Variants in AGPAT4 observed in about 807,000 individuals in gnomAD.
AGPAT4 encodes 1-acylglycerol-3-phosphate O-acyltransferase 4.
AGPAT4 carries 15 observed loss-of-function variants against 48.0 expected under a neutral mutation model. The observed-to-expected ratio is 0.31, with a 90% CI of 0.21 to 0.48. The LOEUF (loss-of-function observed/expected upper bound fraction) is 0.48, where lower values mean the gene tolerates loss of function less well. AGPAT4 is among the 20% of genes least tolerant of loss of function. The pLI is 0.99. For synonymous variants in AGPAT4, 178 were observed against 198.7 expected (o/e 0.90, Z 0.88); for missense variants, 314 against 482.5 (o/e 0.65, Z 3.27).
rs1174018838 is a variant in AGPAT4, at chr6:161,153,451, T to A, written c.559A>T (p.Ile187Phe). The A allele has an allele frequency of 6.2e-7, 1 of 1,613,364 alleles. No individual in the cohort carries two copies. The highest frequency in any genetic ancestry group is 1.1e-5 in the South Asian group (1 of 90,692). Residue 187 changes from isoleucine to phenylalanine, a missense_variant, in exon 5 of 9, where the codon ATC becomes TTC. Ile to Phe is a conservative substitution (Grantham distance 21). Transcript: ENST00000320285. ...GTRFTEKKHE[I>F]SMQVARAKGL... is the part of the protein sequence containing the mutation. Reference sequence around the variant, plus strand: ...TTGGCCCGGGCCACCTGCATGCTGATCTCATGCTTCTTCTCCGTGAACCGT... The same window carrying A: ...TTGGCCCGGGCCACCTGCATGCTGAACTCATGCTTCTTCTCCGTGAACCGT...
rs1249488242 is a variant in AGPAT4 at position 161,270,862 on chromosome 6, G to A, written c.-90+3076C>T. Among the ~76,000 whole-genome samples the A allele has an allele frequency of 1.3e-5, 2 of 152,106 alleles. No homozygotes were observed. Among genetic ancestry groups the A allele is most frequent in the East Asian group, 1.9e-4 (1 of 5,194 alleles). ...CAGAATAAAGGAGACTGCACAAAAC[G>A]TGTGACATTTACCAAACCCTCATTT... On this transcript the variant is annotated intron_variant, in intron 1 of 8. Transcript: ENST00000320285. This position sits in a 1 kb window ranked among gnomAD's most constrained non-coding sequence, Gnocchi z 5.3.
chr6:161,176,020 G>C (rs544862907), intron 2 of AGPAT4, among the ~76,000 whole-genome samples: 71 of 152,294 alleles, frequency 4.7e-4, no homozygotes, highest in Admixed American at 7.8e-4. Flanking sequence ...TATAACTTCT[G>C]TTCTTTTACA....
intron 2 of AGPAT4, among the ~76,000 whole-genome samples, chr6:161,205,025 T>C (rs577461361): frequency 5.3e-5 from 8 of 152,292 alleles, no homozygotes; most frequent in African/African-American, 1.9e-4. Flanking sequence ...GCCTCACCAC[T>C]GGGGACTGGG....
chr6:161,185,449 C>A (rs1477567009), intron 2 of AGPAT4, among the ~76,000 whole-genome samples: 2 of 152,162 alleles, frequency 1.3e-5, no homozygotes, highest in Admixed American at 6.5e-5. Context: ...AGCCACCACA[C>A]CTGGCCAAGA....
Position 161,264,093 on chromosome 6 carries a change from A to G in AGPAT4, c.-90+9845T>C, listed in dbSNP as rs1783178891. On this transcript the variant is annotated intron_variant, in intron 1 of 8. Transcript: ENST00000320285. This position sits in a 1 kb window ranked among gnomAD's most constrained non-coding sequence, Gnocchi z 6.8. Reference sequence around the variant, plus strand: ...GCTTCTAGTAAGTGCTGCGTAACACATGTTGATTACAAAGTACATAAATGA... The same window carrying G: ...GCTTCTAGTAAGTGCTGCGTAACACGTGTTGATTACAAAGTACATAAATGA... 6.6e-6 allele frequency among the ~76,000 whole-genome samples: 1 copy of G among 152,210 alleles called. No individual in the cohort carries two copies. The highest frequency in any genetic ancestry group is 6.5e-5 in the Admixed American group (1 of 15,284).
rs1052596705 is a variant in AGPAT4 at position 161,215,230 on chromosome 6, T to C, written c.178+16806A>G. Reference sequence around the variant, plus strand: ...TATGATCCTACTCTTCCATAACTCATACACTGCATGTGTTGTAATCTGTTG... The same window carrying C: ...TATGATCCTACTCTTCCATAACTCACACACTGCATGTGTTGTAATCTGTTG... On this transcript the variant is annotated intron_variant, in intron 2 of 8. Transcript: ENST00000320285. The surrounding 1 kb of genome is among the most constrained non-coding windows in gnomAD (Gnocchi z 4.5). 6.6e-6 allele frequency among the ~76,000 whole-genome samples: 1 copy of C among 152,248 alleles called. No homozygotes were observed. The highest frequency in any genetic ancestry group is 2.4e-5 in the African/African-American group (1 of 41,472).
chr6:161,183,184 C>A (rs1171664117), intron 2 of AGPAT4, among the ~76,000 whole-genome samples: 1 of 152,188 alleles, frequency 6.6e-6, no homozygotes, highest in African/African-American at 2.4e-5. Context: ...CAGGCCTGGA[C>A]CAGTCCCTTT....
chr6:161,132,956 A>G lies in AGPAT4; in HGVS notation c.*3584T>C, dbSNP rs1426335875. ...CAAATATTCCTCTAAATATTCCTCC[A>G]TACAGCCTAGGGCCCCTCAAGAGAC... is the stretch of plus-strand genomic sequence containing the variant. On this transcript the variant is annotated 3_prime_UTR_variant, in exon 9 of 9. Coordinates refer to ENST00000320285, the MANE Select transcript of AGPAT4 (RefSeq NM_020133.3). The G allele has an allele frequency of 6.6e-6, 1 of 152,212 alleles. No individual in the cohort carries two copies. The allele number at this position is 152,212 out of a possible 1,614,324, so 9.4% of individuals were successfully genotyped here.
In AGPAT4 at chr6:161,239,000, C is replaced by G. The variant is rs1321177181; in HGVS notation, c.-89-6698G>C. 2.6e-5 allele frequency among the ~76,000 whole-genome samples: 4 copies of G among 152,118 alleles called. No homozygotes were observed. The East Asian group carries it at 7.7e-4, about 29-fold the overall frequency. Reference sequence around the variant, plus strand: ...CCAGTCTCGAGTATGTCTTTATTAGCTGTGTGAGAATAGACTAATTAATAC... The same window carrying G: ...CCAGTCTCGAGTATGTCTTTATTAGGTGTGTGAGAATAGACTAATTAATAC... On this transcript the variant is annotated intron_variant, in intron 1 of 8. Coordinates refer to ENST00000320285, the MANE Select transcript of AGPAT4 (RefSeq NM_020133.3). This position sits in a 1 kb window ranked among gnomAD's most constrained non-coding sequence, Gnocchi z 5.2.
rs1054475498 is a variant in AGPAT4, at chr6:161,246,309, A to G, written c.-89-14007T>C. Among the ~76,000 whole-genome samples, 3 of 152,216 alleles carry G rather than the reference A, an allele frequency of 2.0e-5. No individual in the cohort carries two copies. The highest frequency in any genetic ancestry group is 4.4e-5 in the Non-Finnish European group (3 of 68,044). On this transcript the variant is annotated intron_variant, in intron 1 of 8. Transcript: ENST00000320285. This position sits in a 1 kb window ranked among gnomAD's most constrained non-coding sequence, Gnocchi z 5.5. The stretch of plus-strand genomic sequence containing the variant: ...TATTCATTCATTAGGTTCCCATCCA[A>G]GGAGCTACCCGTTCATTCATTCAGC...
In AGPAT4 at chr6:161,177,607, G is replaced by A. The variant is rs1489793497; in HGVS notation, c.179-11190C>T. 6.6e-6 allele frequency among the ~76,000 whole-genome samples: 1 copy of A among 152,058 alleles called. No individual in the cohort carries two copies. The highest frequency in any genetic ancestry group is 1.5e-5 in the Non-Finnish European group (1 of 68,016). ...GGTTCAAACATCCTCCTTTAGCTCG[G>A]AGAAGTTTGTTATTACTGATCGTCT... On this transcript the variant is annotated intron_variant, in intron 2 of 8. Transcript: ENST00000320285. The surrounding 1 kb of genome is among the most constrained non-coding windows in gnomAD (Gnocchi z 5.0).
rs1376661614 is a variant in AGPAT4 at position 161,249,885 on chromosome 6, G to C, written c.-89-17583C>G. On this transcript the variant is annotated intron_variant, in intron 1 of 8. Transcript: ENST00000320285. The surrounding 1 kb of genome is among the most constrained non-coding windows in gnomAD (Gnocchi z 6.2). ...TTATGTTCATTGCAGTACTACTGCAGCTATTCACAGCTATTCACTATTGCA... is the reference window on the plus strand; with the variant it reads ...TTATGTTCATTGCAGTACTACTGCACCTATTCACAGCTATTCACTATTGCA... 1.3e-5 allele frequency among the ~76,000 whole-genome samples: 2 copies of C among 152,186 alleles called. No homozygotes were observed. Among genetic ancestry groups the C allele is most frequent in the African/African-American group, 4.8e-5 (2 of 41,442 alleles).
intron 4 of AGPAT4, 85 bp from the exon 5 acceptor site, chr6:161,153,584 GC>G: frequency 2.7e-6 from 4 of 1,505,332 alleles, no homozygotes; most frequent in South Asian, 1.2e-5. Flanking sequence ...GTCACACACA[GC>G]CCCAGGGTCA....
chr6:161,154,268 T>C lies in AGPAT4; in HGVS notation c.391A>G (p.Ile131Val), dbSNP rs1025388306. 7.4e-6 allele frequency: 12 copies of C among 1,613,996 alleles called. No homozygotes were observed. The highest frequency in any genetic ancestry group is 5.3e-5 in the African/African-American group (4 of 74,896). ...LAKKELAYVP[I>V]IGWMWYFTEM... ...GTGAAGTACCACATCCAGCCGATAA[T>C]TGGGACATAGGCCAGCTCTTTCTTG... Residue 131 changes from isoleucine to valine, a missense_variant, in exon 4 of 9, where the codon ATT becomes GTT. Ile to Val is a conservative substitution (Grantham distance 29). Transcript: ENST00000320285. This position sits in a 1 kb window ranked among gnomAD's most constrained non-coding sequence, Gnocchi z 7.8.
At chr6:161,175,610 T>A (rs879432240) in intron 2 of AGPAT4, among the ~76,000 whole-genome samples, 4 of 152,138 alleles carry the variant, frequency 2.6e-5, no homozygotes, top group Admixed American at 2.6e-4. Flanking sequence ...TTGATTTTTT[T>A]AAGGGTTTTT....
chr6:161,136,474 C>T lies in AGPAT4; in HGVS notation c.*66G>A. ...ACCCAGCCTTTGTCACCGTGTCCCA[C>T]TAAGGAGGATATGCAGAGGCCACCA... On this transcript the variant is annotated 3_prime_UTR_variant, in exon 9 of 9. Coordinates refer to ENST00000320285, the MANE Select transcript of AGPAT4 (RefSeq NM_020133.3). 3 of 1,448,758 alleles carry T rather than the reference C, an allele frequency of 2.1e-6. No individual in the cohort carries two copies. The highest frequency in any genetic ancestry group is 2.9e-6 in the Non-Finnish European group (3 of 1,034,134). 89.7% of individuals were successfully genotyped at this position (1,448,758 alleles called of 1,614,324 possible).
rs1779292102 is a variant in AGPAT4, at chr6:161,142,667, G to A, written c.844-3047C>T. ...GAAAGAAGGGAGAAAAGAACGGGAG[G>A]AAGAACAGGAAAGAACGAAGAATAG... On this transcript the variant is annotated intron_variant, in intron 7 of 8. Transcript: ENST00000320285. This position sits in a 1 kb window ranked among gnomAD's most constrained non-coding sequence, Gnocchi z 6.4. 6.6e-6 allele frequency among the ~76,000 whole-genome samples: 1 copy of A among 152,166 alleles called. No homozygotes were observed. Among genetic ancestry groups the A allele is most frequent in the Non-Finnish European group, 1.5e-5 (1 of 68,042 alleles).
rs1780111647 is a variant in AGPAT4, at chr6:161,166,737, G to A, written c.179-320C>T. Among the ~76,000 whole-genome samples the A allele has an allele frequency of 1.3e-5, 2 of 152,216 alleles. No homozygotes were observed. Among genetic ancestry groups the A allele is most frequent in the African/African-American group, 4.8e-5 (2 of 41,460 alleles). On this transcript the variant is annotated intron_variant, in intron 2 of 8. Coordinates refer to ENST00000320285, the MANE Select transcript of AGPAT4 (RefSeq NM_020133.3). This position sits in a 1 kb window ranked among gnomAD's most constrained non-coding sequence, Gnocchi z 6.7. ...AAGAATTCATGCCCTTGTGTTTACA[G>A]AGCTCTGAAAGGCAGCGTGAGATGA...
intron 1 of AGPAT4, among the ~76,000 whole-genome samples, chr6:161,239,824 C>CA (rs1440453619): frequency 2.0e-5 from 3 of 152,078 alleles, no homozygotes; most frequent in Admixed American, 6.6e-5. Context: ...AGTACAAATC[C>CA]ATCTTTTTAG....
Sources: gnomAD v4.1 joint callset for allele counts (sites outside exome capture counted in the v4.1 genomes callset) on GRCh38, gnomAD v4.1.1 for gene constraint, Gnocchi (gnomAD v3.1) non-coding constraint, MANE v1.5 for transcripts, NCBI Gene and HGNC (gene_info 2026-07-23, HGNC 2026-07-21) for gene names.